Variants in RIC1 observed in about 807,000 individuals in gnomAD.
RIC1 encodes the protein guanine nucleotide exchange factor subunit RIC1.
A neutral mutation model predicts 169.0 loss-of-function variants in RIC1; 88 were observed. That is an observed-to-expected ratio of 0.52 (90% CI 0.44 to 0.62). RIC1 has a LOEUF of 0.62. Among genes scored for constraint, RIC1 ranks in the 20% least tolerant of loss-of-function variants. The pLI is 0.00. For synonymous variants in RIC1, 790 were observed against 601.5 expected, an observed-to-expected ratio of 1.31 and a Z score of -4.59; for missense variants, 1,877 against 1,725.5, an observed-to-expected ratio of 1.09 and a Z score of -1.56.
chr9:5,737,333 C>CA (rs1185030071), intron 7 of RIC1, among the ~76,000 whole-genome samples: 2 of 152,112 alleles, frequency 1.3e-5, no homozygotes, highest in East Asian at 1.9e-4. Flanking sequence ...ACCATATACA[C>CA]AAAAAAGCAT....
chr9:5,660,248 T>C (rs960846183), intron 2 of RIC1, among the ~76,000 whole-genome samples: 1 of 152,210 alleles, frequency 6.6e-6, no homozygotes, highest in African/African-American at 2.4e-5. Flanking sequence ...TTTTATTCAG[T>C]CTATCATCGG....
rs899736859 is a variant in RIC1, at chr9:5,656,750, T to C, written c.252+60T>C. The C allele has an allele frequency of 3.2e-6, 3 of 944,402 alleles. No individual in the cohort carries two copies. In the African/African-American group the frequency reaches 4.9e-5, roughly 16 times the overall value. 58.5% of individuals were successfully genotyped at this position (944,402 alleles called of 1,614,324 possible). ...ATGAAATCATTACATCGCATTTAAA[T>C]TTGATTCTCTTAGATGACTTTCTTT... On this transcript the variant is annotated intron_variant, in intron 2 of 25. Transcript: ENST00000414202.
intron 2 of RIC1, among the ~76,000 whole-genome samples, chr9:5,686,295 A>G (rs1013681226): frequency 6.6e-6 from 1 of 152,094 alleles, no homozygotes; most frequent in Non-Finnish European, 1.5e-5. Context: ...CCAAATGACT[A>G]TAAATCATGC....
intron 6 of RIC1, among the ~76,000 whole-genome samples, chr9:5,728,212 A>C (rs1274901247): frequency 6.6e-6 from 1 of 152,178 alleles, no homozygotes; most frequent in East Asian, 1.9e-4. Flanking sequence ...CTTCCCTGCC[A>C]CTTTGTTTAC....
intron 17 of RIC1, among the ~76,000 whole-genome samples, chr9:5,760,229 G>GT (rs1826246838): frequency 6.6e-6 from 1 of 152,278 alleles, no homozygotes; most frequent in African/African-American, 2.4e-5. Flanking sequence ...TTTTTTTAGG[G>GT]TAAGAGATTG....
intron 3 of RIC1, among the ~76,000 whole-genome samples, chr9:5,693,839 T>G (rs1182566367): frequency 6.6e-6 from 1 of 151,998 alleles, no homozygotes; most frequent in Non-Finnish European, 1.5e-5. Context: ...TCCCCCTTCT[T>G]CCTGTCTTTT....
intron 4 of RIC1, among the ~76,000 whole-genome samples, chr9:5,714,631 C>T (rs1235090121): frequency 2.6e-5 from 4 of 152,082 alleles, no homozygotes; most frequent in Non-Finnish European, 5.9e-5. Flanking sequence ...GCTGTAAAAA[C>T]ATTGAGGACA....
intron 2 of RIC1, 105 bp downstream of exon 2, chr9:5,656,795 G>C: frequency 1.5e-6 from 1 of 655,388 alleles, no homozygotes; most frequent in Non-Finnish European, 2.7e-6. Flanking sequence ...GCACTCATAA[G>C]TATTTATTTT....
intron 2 of RIC1, among the ~76,000 whole-genome samples, chr9:5,671,411 G>A (rs1223737032): frequency 6.6e-6 from 1 of 151,910 alleles, no homozygotes; most frequent in Admixed American, 6.6e-5. Flanking sequence ...AAGTAGTTGG[G>A]ATTACAGGTG....
In RIC1 at chr9:5,765,741, C is replaced by A; in HGVS notation, c.3080C>A (p.Ala1027Asp). Reference protein sequence around the residue: ...SLSQSAENVPASKFSLQKTLS... With the variant: ...SLSQSAENVPDSKFSLQKTLS... ...TCCCAGTCAGCTGAAAATGTTCCTG[C>A]CAGTAAATTCAGTTTACAGAAAACA... Residue 1027 changes from alanine (A) to aspartate (D), a missense_variant, in exon 21 of 26, where the codon GCC becomes GAC. Ala to Asp is a moderately radical substitution (Grantham distance 126). Coordinates refer to ENST00000414202, the MANE Select transcript of RIC1 (RefSeq NM_020829.4). 2 of 1,614,110 alleles carry A rather than the reference C, an allele frequency of 1.2e-6. No homozygotes were observed. The highest frequency in any genetic ancestry group is 2.2e-5 in the South Asian group (2 of 91,084).
Position 5,765,744 on chromosome 9 carries a change from GTAAAT to G in RIC1, c.3085_3089del (p.Lys1029GlnfsTer22). 1 of 1,614,156 alleles carries G rather than the reference GTAAAT, an allele frequency of 6.2e-7. No individual in the cohort carries two copies. The highest frequency in any genetic ancestry group is 8.5e-7 in the Non-Finnish European group (1 of 1,180,014). On this transcript the variant is annotated frameshift_variant, in exon 21 of 26. Coordinates refer to ENST00000414202, the MANE Select transcript of RIC1 (RefSeq NM_020829.4). LOFTEE classifies it high-confidence loss of function. ...CAGTCAGCTGAAAATGTTCCTGCCA[GTAAAT>G]TCAGTTTACAGAAAACACTAAGTAT... is the stretch of plus-strand genomic sequence containing the variant.
At chr9:5,682,390 A>T (rs1208787889) in intron 2 of RIC1, among the ~76,000 whole-genome samples, 1 of 152,130 alleles carries the variant, frequency 6.6e-6, no homozygotes, top group African/African-American at 2.4e-5. Flanking sequence ...CCTGTCTGTA[A>T]AGGATTTTAT....
intron 1 of RIC1, among the ~76,000 whole-genome samples, chr9:5,637,783 G>A (rs1818045057): frequency 6.6e-6 from 1 of 152,156 alleles, no homozygotes; most frequent in African/African-American, 2.4e-5. Context: ...TGTTGTAAAT[G>A]ACCGGATCTC....
At chr9:5,656,393 A>C (rs989903446) in intron 1 of RIC1, among the ~76,000 whole-genome samples, 190 bp from the exon 2 acceptor site, 2 of 152,170 alleles carry the variant, frequency 1.3e-5, no homozygotes, top group African/African-American at 4.8e-5. Context: ...CTTTAATAAT[A>C]CAGGCGTAGG....
chr9:5,751,380 G>C (rs1438167610), intron 12 of RIC1, among the ~76,000 whole-genome samples: 1 of 151,818 alleles, frequency 6.6e-6, no homozygotes, highest in Non-Finnish European at 1.5e-5. Context: ...CAGGGAGACA[G>C]AGTCTCACTC....
chr9:5,642,706 A>G (rs1186603158), intron 1 of RIC1, among the ~76,000 whole-genome samples: 1 of 127,132 alleles, frequency 7.9e-6, no homozygotes, highest in Non-Finnish European at 1.6e-5. Flanking sequence ...CTGCCTGGCC[A>G]CTGCCGGGCA....
At chr9:5,688,122 A>G (rs1012692411) in intron 2 of RIC1, among the ~76,000 whole-genome samples, 1 of 152,368 alleles carries the variant, frequency 6.6e-6, no homozygotes, top group Non-Finnish European at 1.5e-5. Flanking sequence ...ATTATGAAAT[A>G]TAGCAAAAGG....
At chr9:5,753,430 C>T in intron 13 of RIC1, 106 bp from the exon 14 acceptor site, 1 of 828,710 alleles carries the variant, frequency 1.2e-6, no homozygotes, top group Non-Finnish European at 1.9e-6. Context: ...ATTTAATTAG[C>T]AAACATTTAT....
chr9:5,735,609 A>T (rs113648558), intron 7 of RIC1, among the ~76,000 whole-genome samples: 4 of 152,318 alleles, frequency 2.6e-5, no homozygotes, highest in Non-Finnish European at 5.9e-5. Context: ...CTAGCTGTTG[A>T]CATAACAAAC....
Sources: allele counts gnomAD v4.1 joint callset (sites outside exome capture counted in the v4.1 genomes callset), GRCh38; gene constraint gnomAD v4.1.1; transcripts MANE v1.5; gene names NCBI Gene and HGNC (gene_info 2026-07-23, HGNC 2026-07-21).